Variants in ZNF616 observed in about 807,000 individuals in gnomAD.
ZNF616 encodes zinc finger protein 616.
ZNF616 carries 5 observed loss-of-function variants against 7.6 expected under a neutral mutation model. That is an observed-to-expected ratio of 0.66 (90% CI 0.34 to 1.38). ZNF616 has a LOEUF of 1.38. ZNF616 is among the 40% of genes most tolerant of loss of function. The pLI is 0.04. For missense variants in ZNF616, 913 were observed against 948.3 expected (o/e 0.96, Z 0.49); for synonymous variants, 319 against 317.2 (o/e 1.01, Z -0.06).
intron 2 of ZNF616, among the ~76,000 whole-genome samples, chr19:52,126,491 G>A (rs905259364): frequency 6.6e-6 from 1 of 152,026 alleles, no homozygotes; most frequent in South Asian, 2.1e-4. Flanking sequence ...CTCCAGCCTC[G>A]GCAATAGAGT....
chr19:52,124,499 G>A (rs2088890230), intron 2 of ZNF616, among the ~76,000 whole-genome samples: 1 of 152,172 alleles, frequency 6.6e-6, no homozygotes, highest in Admixed American at 6.5e-5. Flanking sequence ...TATTCCAAAT[G>A]CTTTACATGT....
At chr19:52,120,860 T>G (rs1600123062) in intron 3 of ZNF616, among the ~76,000 whole-genome samples, 2 of 152,144 alleles carry the variant, frequency 1.3e-5, no homozygotes, top group Admixed American at 1.3e-4. Context: ...ACAGTAATAA[T>G]AAAAGACTTC....
chr19:52,118,135 G>C (rs1287692658), intron 3 of ZNF616, among the ~76,000 whole-genome samples: 4 of 152,144 alleles, frequency 2.6e-5, no homozygotes, highest in Non-Finnish European at 5.9e-5. Flanking sequence ...GGTAGAGACA[G>C]AGTTTTCCTA....
Position 52,116,519 on chromosome 19 carries a change from G to C in ZNF616, c.645C>G (p.Cys215Trp). The C allele has an allele frequency of 1.2e-6, 2 of 1,614,046 alleles. No individual in the cohort carries two copies. Among genetic ancestry groups the C allele is most frequent in the Non-Finnish European group, 1.7e-6 (2 of 1,180,004 alleles). Reference protein sequence around the residue: ...RIHTTEKPYKCNECGKAFHRA... With the variant: ...RIHTTEKPYKWNECGKAFHRA... ...GATGAAAGGCTTTGCCACACTCATT[G>C]CATTTGTAAGGTTTCTCTGTAGTAT... is the stretch of plus-strand genomic sequence containing the variant. The change falls in exon 4 of 4, where the codon TGC becomes TGG. Residue 215 changes from cysteine (C) to tryptophan (W), a missense_variant. Physicochemically the swap from Cys to Trp is radical, Grantham distance 215. Coordinates refer to ENST00000600228, the MANE Select transcript of ZNF616 (RefSeq NM_178523.5).
chr19:52,115,677 T>C lies in ZNF616; in HGVS notation c.1487A>G (p.Asn496Ser), dbSNP rs200876233. The change falls in exon 4 of 4, where the codon AAT (asparagine) becomes AGT (serine). Residue 496 changes from asparagine (N) to serine (S), a missense_variant. Physicochemically the swap from Asn to Ser is conservative, Grantham distance 46. Coordinates refer to ENST00000600228, the MANE Select transcript of ZNF616 (RefSeq NM_178523.5). The part of the protein sequence containing the change: ...IHTGEKPYKC[N>S]ECGKVFSQHS... ...TTGACTGAAGACCTTGCCACATTCA[T>C]TGCATTTGTAAGGTTTCTCTCCAGT... 3 of 1,614,184 alleles carry C rather than the reference T, an allele frequency of 1.9e-6. No homozygotes were observed. Among genetic ancestry groups the C allele is most frequent in the Admixed American group, 1.7e-5 (1 of 60,020 alleles).
rs542701323 is a variant in ZNF616 at position 52,135,781 on chromosome 19, G to T, written c.-77+3951C>A. 4.6e-5 allele frequency among the ~76,000 whole-genome samples: 7 copies of T among 152,178 alleles called. No homozygotes were observed. In the South Asian group the frequency reaches 1.2e-3, roughly 27 times the overall value. On this transcript the variant is annotated intron_variant, in intron 1 of 3. Coordinates refer to ENST00000600228, the MANE Select transcript of ZNF616 (RefSeq NM_178523.5). ...ATTTTGTTGGCTGTACAACAAGAAG[G>T]CCTGGACAATGAGAAGTTGTTCCTT...
rs769032095 is a variant in ZNF616, at chr19:52,123,934, A to G, written c.128T>C (p.Leu43Pro). ...GAAATTATACTCACCTAGGAAGACC[A>G]GGTTCCTATAGTTCTCCAACATCAC... ...KDVMLENYRN[L>P]VFLGISPKCV... is the part of the protein sequence containing the mutation. Residue 43 changes from leucine to proline, a missense_variant, in exon 3 of 4, where the codon CTG becomes CCG. Leu to Pro is a moderately conservative substitution (Grantham distance 98). Coordinates refer to ENST00000600228, the MANE Select transcript of ZNF616 (RefSeq NM_178523.5). 11 of 1,614,012 alleles carry G rather than the reference A, an allele frequency of 6.8e-6. No individual in the cohort carries two copies. Among genetic ancestry groups the G allele is most frequent in the South Asian group, 1.1e-5 (1 of 91,070 alleles).
rs953233810 is a variant in ZNF616, at chr19:52,123,454, A to T, written c.139+469T>A. On this transcript the variant is annotated intron_variant, in intron 3 of 3. Transcript: ENST00000600228. ...TCCTTGAGCCCATGAGTTCAAGAGCAGCCTGAGTGACATAGTAAAACCCTG... is the reference window on the plus strand; with the variant it reads ...TCCTTGAGCCCATGAGTTCAAGAGCTGCCTGAGTGACATAGTAAAACCCTG... 2.6e-5 allele frequency among the ~76,000 whole-genome samples: 4 copies of T among 152,136 alleles called. No homozygotes were observed. The East Asian group carries it at 7.8e-4, about 30-fold the overall frequency.
intron 1 of ZNF616, among the ~76,000 whole-genome samples, chr19:52,132,039 G>T (rs949456495): frequency 6.6e-6 from 1 of 152,156 alleles, no homozygotes; most frequent in Non-Finnish European, 1.5e-5. Flanking sequence ...AGGTAGGGAC[G>T]AGGTCTTCAA....
At chr19:52,134,912 C>A (rs79534402) in intron 1 of ZNF616, among the ~76,000 whole-genome samples, 1 of 152,188 alleles carries the variant, frequency 6.6e-6, no homozygotes, top group African/African-American at 2.4e-5. Flanking sequence ...ATTGTTGCAG[C>A]AGACAGAGGT....
At position 52,116,690 on chromosome 19, in the gene ZNF616, C is replaced by T. The variant is rs1418068910; in HGVS notation, c.474G>A (p.Gly158=). The change falls in exon 4 of 4, where the codon GGG becomes GGA. Residue 158 remains glycine (G), a synonymous_variant. Coordinates refer to ENST00000600228, the MANE Select transcript of ZNF616 (RefSeq NM_178523.5). ...CCGTTTCATTACATTCATAAAGTCT[C>T]CCTTCAGTTTGAACTTTCTGCAGTT... is the stretch of plus-strand genomic sequence containing the variant. ...LAELQKVQTE[G]RLYECNETEK... 1.2e-6 allele frequency: 2 copies of T among 1,614,026 alleles called. No individual in the cohort carries two copies. Among genetic ancestry groups the T allele is most frequent in the South Asian group, 1.1e-5 (1 of 91,084 alleles).
At chr19:52,120,531 A>C (rs964291029) in intron 3 of ZNF616, among the ~76,000 whole-genome samples, 1 of 152,202 alleles carries the variant, frequency 6.6e-6, no homozygotes, top group Non-Finnish European at 1.5e-5. Flanking sequence ...GGCTGAATGA[A>C]TTTTAAAAAC....
intron 2 of ZNF616, among the ~76,000 whole-genome samples, chr19:52,127,838 A>C (rs915460468): frequency 6.6e-6 from 1 of 152,236 alleles, no homozygotes. Context: ...TTAACAAAAA[A>C]AGATGTATCT....
At chr19:52,120,879 A>C (rs926275560) in intron 3 of ZNF616, among the ~76,000 whole-genome samples, 12 of 152,222 alleles carry the variant, frequency 7.9e-5, no homozygotes, top group Non-Finnish European at 1.8e-4. Context: ...TCAACGGACC[A>C]CTTTTATAAA....
intron 1 of ZNF616, among the ~76,000 whole-genome samples, chr19:52,136,177 T>G (rs1421695639): frequency 6.8e-6 from 1 of 146,056 alleles, no homozygotes; most frequent in Admixed American, 6.8e-5. Flanking sequence ...GACCTGAACA[T>G]TTTGCAAATA....
At chr19:52,119,470 T>A (rs561143330) in intron 3 of ZNF616, among the ~76,000 whole-genome samples, 3 of 152,104 alleles carry the variant, frequency 2.0e-5, no homozygotes, top group Non-Finnish European at 4.4e-5. Flanking sequence ...ATGAAGGAGT[T>A]ATGCAATAAT....
rs2088827798 is a variant in ZNF616, at chr19:52,116,695, C to T, written c.469G>A (p.Glu157Lys). ...RLAELQKVQTEGRLYECNETE... is the reference protein window; with the variant it reads ...RLAELQKVQTKGRLYECNETE... The stretch of plus-strand genomic sequence containing the variant: ...TCATTACATTCATAAAGTCTCCCTT[C>T]AGTTTGAACTTTCTGCAGTTCAGCC... Residue 157 changes from glutamate (E) to lysine (K), a missense_variant, in exon 4 of 4, where the codon GAA becomes AAA. Physicochemically the swap from Glu to Lys is moderately conservative, Grantham distance 56 (BLOSUM62 1). Transcript: ENST00000600228. 3.7e-6 allele frequency: 6 copies of T among 1,614,014 alleles called. No individual in the cohort carries two copies. In the East Asian group the frequency reaches 1.3e-4, roughly 36 times the overall value.
intron 1 of ZNF616, among the ~76,000 whole-genome samples, chr19:52,137,718 C>T (rs963046694): frequency 2.6e-5 from 4 of 152,012 alleles, no homozygotes; most frequent in African/African-American, 9.7e-5. Context: ...GAGTTTACCG[C>T]ACTGGACGCT....
At position 52,115,887 on chromosome 19, in the gene ZNF616, A is replaced by T. The variant is rs547329835; in HGVS notation, c.1277T>A (p.Val426Glu). Residue 426 changes from valine (V) to glutamate (E), a missense_variant, in exon 4 of 4, where the codon GTG becomes GAG. Coordinates refer to ENST00000600228, the MANE Select transcript of ZNF616 (RefSeq NM_178523.5). ...KVFSKRSSLA[V>E]HQRIHTGQKT... ...CTGTCCAGTATGAATTCTCTGATGCACTGCAAGACTTGAACGTTTACTGAA... is the reference window on the plus strand; with the variant it reads ...CTGTCCAGTATGAATTCTCTGATGCTCTGCAAGACTTGAACGTTTACTGAA... The T allele has an allele frequency of 2.5e-6, 4 of 1,613,998 alleles. No individual in the cohort carries two copies. The African/African-American group carries it at 5.3e-5, about 22-fold the overall frequency.
Sources: gnomAD v4.1 joint callset for allele counts (sites outside exome capture counted in the v4.1 genomes callset) on GRCh38, gnomAD v4.1.1 for gene constraint, MANE v1.5 for transcripts, NCBI Gene and HGNC (gene_info 2026-07-23, HGNC 2026-07-21) for gene names.